TFCP2L1: variants seen among roughly 807,000 people sequenced by gnomAD.
The protein encoded by TFCP2L1 is transcription factor CP2-like protein 1.
A neutral mutation model predicts 72.2 loss-of-function variants in TFCP2L1; 12 were observed. The observed-to-expected ratio is 0.17, with a 90% confidence interval of 0.11 to 0.27. The LOEUF is 0.27. Among genes scored for constraint, TFCP2L1 ranks in the 10% least tolerant of loss-of-function variants. The probability of loss-of-function intolerance (pLI) is 1.00; values close to 1 mark genes in which losing one functional copy is unlikely to be tolerated. For missense variants in TFCP2L1, 488 were observed against 624.6 expected (o/e 0.78, Z 2.33); for synonymous variants, 260 against 251.0 (o/e 1.04, Z -0.34).
chr2:121,240,846 G>A (rs2104687000), intron 7 of TFCP2L1, among the ~76,000 whole-genome samples: 1 of 152,334 alleles, frequency 6.6e-6, no homozygotes, highest in African/African-American at 2.4e-5. Flanking sequence ...GGGGAGGCAG[G>A]TGACTGACCT....
intron 10 of TFCP2L1, among the ~76,000 whole-genome samples, chr2:121,235,550 C>T (rs1686228850): frequency 6.6e-6 from 1 of 151,016 alleles, no homozygotes; most frequent in Admixed American, 6.6e-5. Context: ...GCCTCATTGC[C>T]TGCCCTGCTT....
chr2:121,270,740 T>C (rs1362743183), intron 2 of TFCP2L1, among the ~76,000 whole-genome samples: 2 of 151,720 alleles, frequency 1.3e-5, no homozygotes, highest in Non-Finnish European at 2.9e-5. Flanking sequence ...CAGTGGCTCA[T>C]GCCTATAATC....
intron 13 of TFCP2L1, among the ~76,000 whole-genome samples, chr2:121,229,794 T>TC: frequency 6.6e-6 from 1 of 152,226 alleles, no homozygotes; most frequent in African/African-American, 2.4e-5. Context: ...TCAGTAAATT[T>TC]CCCCCAAAGT....
At chr2:121,250,607 T>G (rs887710608) in intron 2 of TFCP2L1, among the ~76,000 whole-genome samples, 1 of 124,914 alleles carries the variant, frequency 8.0e-6, no homozygotes, top group East Asian at 2.8e-4. Context: ...TATTGGCATA[T>G]CTTTTTTTTT....
At chr2:121,235,385 A>C in intron 10 of TFCP2L1, 74 bp from the exon 11 acceptor site, 156 of 1,074,096 alleles carry the variant, frequency 1.5e-4, no homozygotes, top group Non-Finnish European at 1.9e-4. Flanking sequence ...CCAGCTGCAG[A>C]CCCCATAGCA....
At chr2:121,258,655 T>TG (rs1686773550) in intron 2 of TFCP2L1, among the ~76,000 whole-genome samples, 1 of 152,180 alleles carries the variant, frequency 6.6e-6, no homozygotes. Context: ...TACAACCTCC[T>TG]GGCCTGCACC....
At chr2:121,257,200 G>C (rs1686744344) in intron 2 of TFCP2L1, among the ~76,000 whole-genome samples, 1 of 152,204 alleles carries the variant, frequency 6.6e-6, no homozygotes, top group Non-Finnish European at 1.5e-5. Context: ...GGGAGTGGCA[G>C]GGGCTGGGGA....
At position 121,217,019 on chromosome 2, in the gene TFCP2L1, CCAG is replaced by C. The variant is rs1685848407; in HGVS notation, c.*7319_*7321del. 6.6e-6 allele frequency: 1 copy of C among 152,404 alleles called. No individual in the cohort carries two copies. The highest frequency in any genetic ancestry group is 6.5e-5 in the Admixed American group (1 of 15,286). The allele number at this position is 152,404 out of a possible 1,614,324, so 9.4% of individuals were successfully genotyped here. On this transcript the variant is annotated 3_prime_UTR_variant, in exon 15 of 15. Transcript: ENST00000263707. ...CAAAGCTTTTCCCAGCAGAGCACAC[CCAG>C]CCAGCAATGAGGCCTCAGGACAGAG...
intron 1 of TFCP2L1, among the ~76,000 whole-genome samples, chr2:121,282,212 T>C (rs940305576): frequency 6.6e-5 from 10 of 150,636 alleles, no homozygotes; most frequent in Non-Finnish European, 1.2e-4. Flanking sequence ...GGATTACAGG[T>C]GTGAGCCACC....
intron 1 of TFCP2L1, among the ~76,000 whole-genome samples, chr2:121,282,131 C>A (rs1002743558): frequency 6.6e-6 from 1 of 151,870 alleles, no homozygotes; most frequent in Non-Finnish European, 1.5e-5. Context: ...CAGGGTTCCA[C>A]CATGTTGGTC....
rs1456090054 is a variant in TFCP2L1 at position 121,222,776 on chromosome 2, T to A, written c.*1565A>T. 6.6e-6 allele frequency: 1 copy of A among 152,098 alleles called. No individual in the cohort carries two copies. The highest frequency in any genetic ancestry group is 2.4e-5 in the African/African-American group (1 of 41,394). The allele number at this position is 152,098 out of a possible 1,614,324, so 9.4% of individuals were successfully genotyped here. A position where few individuals can be genotyped will look rare whatever the true frequency, so the allele number is the denominator to read the frequency against. On this transcript the variant is annotated 3_prime_UTR_variant, in exon 15 of 15. Coordinates refer to ENST00000263707, the MANE Select transcript of TFCP2L1 (RefSeq NM_014553.3). ...GGACACTAGCAATGGGTAAACTGAA[T>A]GGCATGTGAATGACATCTCAATAAA... is the stretch of plus-strand genomic sequence containing the variant.
At chr2:121,255,864 TCCCGAGTAGCTGGGACTGCAGGCG>T (rs1686706996) in intron 2 of TFCP2L1, among the ~76,000 whole-genome samples, 1 of 151,974 alleles carries the variant, frequency 6.6e-6, no homozygotes, top group African/African-American at 2.4e-5. Context: ...TGCCTCAGGC[TCCCGAGTAGCTGGGACTGCAGGCG>T]CCCGCCACCT....
At chr2:121,225,290 G>A (rs1045445800) in intron 14 of TFCP2L1, among the ~76,000 whole-genome samples, 6 of 152,080 alleles carry the variant, frequency 3.9e-5, no homozygotes, top group Admixed American at 3.9e-4. Context: ...TGATCTTCCC[G>A]GAGGACCCCA....
intron 2 of TFCP2L1, among the ~76,000 whole-genome samples, chr2:121,276,333 GTGT>G (rs1553435822): frequency 9.0e-6 from 1 of 110,554 alleles, no homozygotes; most frequent in Non-Finnish European, 2.1e-5. Flanking sequence ...TTCTGTTCCT[GTGT>G]TAGTTTGCTG....
intron 10 of TFCP2L1, 151 bp from the exon 11 acceptor site, chr2:121,235,462 A>G: frequency 1.4e-6 from 1 of 722,794 alleles, no homozygotes; most frequent in Non-Finnish European, 2.4e-6. Flanking sequence ...AAAATGCTCA[A>G]CAACATCAAA....
chr2:121,252,747 G>A (rs1271685293), intron 2 of TFCP2L1, among the ~76,000 whole-genome samples: 3 of 152,268 alleles, frequency 2.0e-5, no homozygotes, highest in Non-Finnish European at 2.9e-5. Flanking sequence ...CTCCAGAACC[G>A]TGAGAGAATC....
chr2:121,229,788 T>C (rs1686103348), intron 13 of TFCP2L1, among the ~76,000 whole-genome samples: 1 of 152,190 alleles, frequency 6.6e-6, no homozygotes. Context: ...AGAGGTTCAG[T>C]AAATTTCCCC....
At chr2:121,259,440 T>C (rs1686790376) in intron 2 of TFCP2L1, among the ~76,000 whole-genome samples, 1 of 152,234 alleles carries the variant, frequency 6.6e-6, no homozygotes. Context: ...TAGTTACACA[T>C]AAATGCACAT....
chr2:121,240,231 T>G, intron 7 of TFCP2L1: 5 of 984,956 alleles, frequency 5.1e-6, no homozygotes, highest in Non-Finnish European at 6.0e-6. Flanking sequence ...CTAAGGGAGA[T>G]CCACAAACAT....
Sources: allele counts gnomAD v4.1 joint callset (sites outside exome capture counted in the v4.1 genomes callset), GRCh38; gene constraint gnomAD v4.1.1; transcripts MANE v1.5; gene names NCBI Gene and HGNC (gene_info 2026-07-23, HGNC 2026-07-21).